The following CLEC6A variants were observed in gnomAD, a reference collection of about 807,000 sequenced individuals.
CLEC6A encodes C-type lectin domain family 6 member A.
In CLEC6A, 22 loss-of-function variants were observed where a neutral mutation model predicts 25.7. That is an observed-to-expected ratio of 0.85 (90% CI 0.61 to 1.22). CLEC6A has a LOEUF of 1.22. Ranked by LOEUF, CLEC6A falls within the 50% of genes most tolerant of loss-of-function variation. CLEC6A has a pLI of 0.00. For missense variants in CLEC6A, 240 were observed against 236.8 expected (o/e 1.01, Z -0.09); for synonymous variants, 92 against 76.7 (o/e 1.20, Z -1.04).
At chr12:8,456,785 C>A (rs1382405856) in intron 1 of CLEC6A, among the ~76,000 whole-genome samples, 2 of 152,112 alleles carry the variant, frequency 1.3e-5, no homozygotes, top group Admixed American at 6.5e-5. Context: ...CATTCCAAAT[C>A]TACTCTTCTA....
At chr12:8,459,567 T>G (rs767254621) in intron 2 of CLEC6A, 30 bp from the exon 3 acceptor site, 4 of 1,369,668 alleles carry the variant, frequency 2.9e-6, no homozygotes, top group South Asian at 1.2e-5. Flanking sequence ...AAATAATAGA[T>G]GGACACTAAT....
chr12:8,476,093 A>G, intron 4 of CLEC6A, 32 bp from the exon 5 acceptor site: 1 of 1,396,776 alleles, frequency 7.2e-7, no homozygotes, highest in Non-Finnish European at 1.0e-6. Context: ...GAAATACCAA[A>G]GTCTTTGACT....
chr12:8,464,624 G>A (rs1939807099), intron 3 of CLEC6A, among the ~76,000 whole-genome samples: 1 of 152,122 alleles, frequency 6.6e-6, no homozygotes, highest in South Asian at 2.1e-4. Context: ...GAGCCACTGC[G>A]CCTGGCCTAA....
intron 3 of CLEC6A, among the ~76,000 whole-genome samples, chr12:8,464,607 C>T (rs1486872116): frequency 6.6e-6 from 1 of 152,184 alleles, no homozygotes; most frequent in African/African-American, 2.4e-5. Context: ...GCTGGGATTA[C>T]AGGCATGAGC....
Position 8,476,258 on chromosome 12 carries a change from G to A in CLEC6A, c.485+18G>A, listed in dbSNP as rs1040876504. 3 of 1,411,632 alleles carry A rather than the reference G, an allele frequency of 2.1e-6. No homozygotes were observed. Among genetic ancestry groups the A allele is most frequent in the Non-Finnish European group, 3.0e-6 (3 of 1,016,950 alleles). 87.4% of individuals were successfully genotyped at this position (1,411,632 alleles called of 1,614,324 possible). Reference sequence around the variant, plus strand: ...AATGTCAGGTGAGTGCAGTTCTGGGGCCTTGTTTACATAGAAAATCTAGGG... The same window carrying A: ...AATGTCAGGTGAGTGCAGTTCTGGGACCTTGTTTACATAGAAAATCTAGGG... On this transcript the variant is annotated intron_variant, in intron 5 of 5. Coordinates refer to ENST00000382073, the MANE Select transcript of CLEC6A (RefSeq NM_001007033.2).
chr12:8,456,336 AT>A (rs1292750080), intron 1 of CLEC6A, among the ~76,000 whole-genome samples, 194 bp downstream of exon 1: 5 of 152,166 alleles, frequency 3.3e-5, no homozygotes, highest in African/African-American at 9.7e-5. Flanking sequence ...GAAAGCAAAT[AT>A]TTTTTGGGAG....
At chr12:8,466,943 C>G (rs763013786) in intron 4 of CLEC6A, among the ~76,000 whole-genome samples, 1 of 152,298 alleles carries the variant, frequency 6.6e-6, no homozygotes, top group African/African-American at 2.4e-5. Flanking sequence ...TGAGCCACCT[C>G]ACCCGACTGG....
chr12:8,476,662 A>C (rs1368901928), intron 5 of CLEC6A, among the ~76,000 whole-genome samples: 1 of 152,110 alleles, frequency 6.6e-6, no homozygotes, highest in Non-Finnish European at 1.5e-5. Flanking sequence ...TTGTGGCTTT[A>C]AAATAGAATT....
chr12:8,465,621 G>A lies in CLEC6A; in HGVS notation c.361G>A (p.Ala121Thr). The stretch of plus-strand genomic sequence containing the variant: ...ACATTTGGTTGTGTTCAACACAGAA[G>A]CAGAGCAGGTACTGTTTCCATTTAA... Reference protein sequence around the residue: ...GAHLVVFNTEAEQNFIVQQLN... With the variant: ...GAHLVVFNTETEQNFIVQQLN... The change falls in exon 4 of 6, where the codon GCA becomes ACA. Residue 121 changes from alanine to threonine, a missense_variant. Coordinates refer to ENST00000382073, the MANE Select transcript of CLEC6A (RefSeq NM_001007033.2). 1 of 1,611,588 alleles carries A rather than the reference G, an allele frequency of 6.2e-7. No homozygotes were observed. The highest frequency in any genetic ancestry group is 8.5e-7 in the Non-Finnish European group (1 of 1,178,852).
chr12:8,464,746 T>C lies in CLEC6A; in HGVS notation c.224-738T>C, dbSNP rs550376812. On this transcript the variant is annotated intron_variant, in intron 3 of 5. Coordinates refer to ENST00000382073, the MANE Select transcript of CLEC6A (RefSeq NM_001007033.2). ...GATATAAAATATATCAGTGGATTTG[T>C]ATATGGCTAGCTATGGATTTCTTTA... is the stretch of plus-strand genomic sequence containing the variant. 9.2e-5 allele frequency among the ~76,000 whole-genome samples: 14 copies of C among 152,318 alleles called. No homozygotes were observed. The South Asian group carries it at 2.7e-3, about 29-fold the overall frequency.
intron 2 of CLEC6A, 39 bp downstream of exon 2, chr12:8,458,026 TC>T: frequency 7.2e-7 from 1 of 1,392,490 alleles, no homozygotes. Context: ...TTGCTTCCTT[TC>T]CCTTGAATAT....
chr12:8,474,716 A>G (rs191361303), intron 4 of CLEC6A, among the ~76,000 whole-genome samples: 28 of 152,282 alleles, frequency 1.8e-4, no homozygotes, highest in Non-Finnish European at 2.4e-4. Flanking sequence ...ATTTGCCTTG[A>G]TAAAGTTACT....
chr12:8,466,473 T>C (rs888812138), intron 4 of CLEC6A, among the ~76,000 whole-genome samples: 1 of 152,214 alleles, frequency 6.6e-6, no homozygotes. Context: ...ACTGTTTTCA[T>C]GATGACTGTG....
intron 4 of CLEC6A, among the ~76,000 whole-genome samples, chr12:8,471,940 C>T (rs1400458658): frequency 6.6e-6 from 1 of 152,138 alleles, no homozygotes; most frequent in African/African-American, 2.4e-5. Flanking sequence ...TCTCTTGCTG[C>T]TTTTAACATT....
Position 8,476,182 on chromosome 12 carries a change from C to T in CLEC6A, c.427C>T (p.Pro143Ser). The part of the protein sequence containing the change: ...SFSYFLGLSD[P>S]QGNNNWQWID... ...TTCTTATTTTCTGGGGCTTTCAGAC[C>T]CACAAGGTAATAATAATTGGCAATG... The change falls in exon 5 of 6, where the codon CCA becomes TCA. Residue 143 changes from proline to serine, a missense_variant. Coordinates refer to ENST00000382073, the MANE Select transcript of CLEC6A (RefSeq NM_001007033.2). The T allele has an allele frequency of 1.2e-6, 2 of 1,610,116 alleles. No individual in the cohort carries two copies. Among genetic ancestry groups the T allele is most frequent in the Non-Finnish European group, 1.7e-6 (2 of 1,179,060 alleles).
chr12:8,468,959 A>T (rs1460579362), intron 4 of CLEC6A, among the ~76,000 whole-genome samples: 1 of 152,208 alleles, frequency 6.6e-6, no homozygotes, highest in African/African-American at 2.4e-5. Flanking sequence ...AAGAGAAAAA[A>T]ACCAAAGGGC....
chr12:8,462,461 G>A (rs1422653753), intron 3 of CLEC6A, among the ~76,000 whole-genome samples: 5 of 141,700 alleles, frequency 3.5e-5, no homozygotes, highest in African/African-American at 7.8e-5. Flanking sequence ...GGAATGTCTC[G>A]GTATAAAACC....
At position 8,468,204 on chromosome 12, in the gene CLEC6A, A is replaced by C. The variant is rs764975473; in HGVS notation, c.369+2575A>C. Among the ~76,000 whole-genome samples, 276 of 152,304 alleles carry C rather than the reference A, an allele frequency of 1.8e-3. 3 individuals are homozygous for C. Among genetic ancestry groups the C allele is most frequent in the African/African-American group, 6.2e-3 (259 of 41,558 alleles). ...GTGATCCACCCACCTCGGCCTCCCA[A>C]AGGGCTGGGATTACAGGCGTGAGCC... is the stretch of plus-strand genomic sequence containing the variant. On this transcript the variant is annotated intron_variant, in intron 4 of 5. Transcript: ENST00000382073.
At chr12:8,464,437 C>G (rs1939803937) in intron 3 of CLEC6A, among the ~76,000 whole-genome samples, 1 of 151,812 alleles carries the variant, frequency 6.6e-6, no homozygotes, top group Non-Finnish European at 1.5e-5. Context: ...TCACGCCATT[C>G]TCCTGCCTCA....
Sources: gnomAD v4.1 joint callset for allele counts (sites outside exome capture counted in the v4.1 genomes callset) on GRCh38, gnomAD v4.1.1 for gene constraint, MANE v1.5 for transcripts, NCBI Gene and HGNC (gene_info 2026-07-23, HGNC 2026-07-21) for gene names.